The following DOCK2 variants were observed in gnomAD, a reference collection of about 807,000 sequenced individuals.
DOCK2 encodes dedicator of cytokinesis protein 2.
In DOCK2, 87 loss-of-function variants were observed where a neutral mutation model predicts 248.9. The observed-to-expected ratio is 0.35, with a 90% confidence interval of 0.29 to 0.42. The LOEUF is 0.42. Ranked by LOEUF, DOCK2 falls within the 10% of genes least tolerant of loss-of-function variation. The pLI is 1.00. For missense variants in DOCK2, 1,747 were observed against 2,300.2 expected, an observed-to-expected ratio of 0.76 and a Z score of 4.92; for synonymous variants, 805 against 821.6, an observed-to-expected ratio of 0.98 and a Z score of 0.35.
At chr5:169,997,092 G>T (rs1002945649) in intron 30 of DOCK2, among the ~76,000 whole-genome samples, 12 of 151,606 alleles carry the variant, frequency 7.9e-5, no homozygotes, top group African/African-American at 2.9e-4. Context: ...ATGTGTCAGG[G>T]TCACAAGACA....
intron 27 of DOCK2, among the ~76,000 whole-genome samples, chr5:169,863,281 C>T (rs978021249): frequency 9.2e-5 from 14 of 151,970 alleles, no homozygotes; most frequent in African/African-American, 1.7e-4. Context: ...GAGACTGTGT[C>T]GATTAATATA....
chr5:169,772,655 TA>T (rs1203104307), intron 25 of DOCK2, among the ~76,000 whole-genome samples: 3 of 152,230 alleles, frequency 2.0e-5, no homozygotes, highest in Non-Finnish European at 4.4e-5. Context: ...ATCTATGTTT[TA>T]AAAAAGTCAT....
intron 8 of DOCK2, among the ~76,000 whole-genome samples, chr5:169,685,518 C>T (rs77056046): frequency 1.1e-3 from 163 of 152,242 alleles, no homozygotes; most frequent in Non-Finnish European, 1.7e-3. Context: ...CCACCACGCC[C>T]GGCTAATTTT....
Position 169,704,752 on chromosome 5 carries a change from CAT to C in DOCK2, c.1383+2332_1383+2333del, listed in dbSNP as rs201877120. ...CTCTATCAAAACATCTCATTTACTC[CAT>C]ATATATGTGTGTGTGTGTGTGTGTG... On this transcript the variant is annotated intron_variant, in intron 14 of 51. Coordinates refer to ENST00000520908, the MANE Select transcript of DOCK2 (RefSeq NM_004946.3). Among the ~76,000 whole-genome samples, 190 of 136,072 alleles carry C rather than the reference CAT, an allele frequency of 1.4e-3. 2 individuals are homozygous for C. In the East Asian group the frequency reaches 0.028, roughly 20 times the overall value. The allele number at this position is 136,072 out of a possible 152,430, so 89.3% of individuals were successfully genotyped here.
At chr5:169,881,080 A>C (rs905402790) in intron 27 of DOCK2, among the ~76,000 whole-genome samples, 1 of 152,162 alleles carries the variant, frequency 6.6e-6, no homozygotes, top group Non-Finnish European at 1.5e-5. Flanking sequence ...CGAATGCCTT[A>C]ACTTTCCTGA....
chr5:169,990,580 C>A (rs1295154824), intron 29 of DOCK2, among the ~76,000 whole-genome samples: 1 of 152,186 alleles, frequency 6.6e-6, no homozygotes, highest in Non-Finnish European at 1.5e-5. Flanking sequence ...CTGATTCATT[C>A]GAACCTTTTG....
At chr5:169,811,753 C>T (rs959241413) in intron 26 of DOCK2, among the ~76,000 whole-genome samples, 4 of 152,134 alleles carry the variant, frequency 2.6e-5, no homozygotes, top group Admixed American at 6.5e-5. Context: ...ATTTAACTGG[C>T]GAGGAGGCTG....
chr5:169,861,253 GC>G (rs1244739791), intron 27 of DOCK2, among the ~76,000 whole-genome samples: 1 of 152,174 alleles, frequency 6.6e-6, no homozygotes, highest in East Asian at 1.9e-4. Context: ...TCCTTCTTAA[GC>G]ATACATTTTA....
chr5:169,944,372 G>A (rs7716429), intron 27 of DOCK2, among the ~76,000 whole-genome samples: 36,292 of 152,184 alleles, frequency 0.24, 4,571 homozygotes, highest in Non-Finnish European at 0.27. Flanking sequence ...TACCAAACAG[G>A]AAGGATTATC....
intron 26 of DOCK2, among the ~76,000 whole-genome samples, chr5:169,806,663 G>T (rs992581213): frequency 6.6e-6 from 1 of 152,130 alleles, no homozygotes; most frequent in African/African-American, 2.4e-5. Flanking sequence ...TTCCTAATTG[G>T]TTTTCTACAC....
intron 25 of DOCK2, among the ~76,000 whole-genome samples, chr5:169,793,460 T>C (rs1766471070): frequency 6.6e-6 from 1 of 152,174 alleles, no homozygotes; most frequent in Non-Finnish European, 1.5e-5. Flanking sequence ...AGCTGTGTGA[T>C]TTTAGGCAAG....
intron 25 of DOCK2, among the ~76,000 whole-genome samples, chr5:169,789,218 G>T (rs1766176832): frequency 1.3e-5 from 2 of 152,168 alleles, no homozygotes; most frequent in Non-Finnish European, 2.9e-5. Context: ...GTATTCCATG[G>T]TGTATATGTA....
intron 26 of DOCK2, among the ~76,000 whole-genome samples, chr5:169,809,781 C>T (rs1008514328): frequency 2.0e-5 from 3 of 152,236 alleles, no homozygotes; most frequent in Non-Finnish European, 4.4e-5. Context: ...CTCACTTGTG[C>T]AGCACCCTCT....
intron 26 of DOCK2, among the ~76,000 whole-genome samples, chr5:169,816,642 T>C (rs1336202647): frequency 6.6e-6 from 1 of 152,216 alleles, no homozygotes; most frequent in Non-Finnish European, 1.5e-5. Flanking sequence ...ATTTACCCTA[T>C]TCCTTCACTC....
At chr5:169,950,230 C>A (rs1234064999) in intron 27 of DOCK2, among the ~76,000 whole-genome samples, 1 of 152,192 alleles carries the variant, frequency 6.6e-6, no homozygotes, top group Admixed American at 6.5e-5. Flanking sequence ...CCAGCTCTAG[C>A]TCCATGCCCC....
chr5:169,822,264 A>C (rs1386219013), intron 26 of DOCK2, among the ~76,000 whole-genome samples: 1 of 152,232 alleles, frequency 6.6e-6, no homozygotes, highest in Non-Finnish European at 1.5e-5. Context: ...TGCACGAAGC[A>C]GACCTAATAG....
At position 169,714,150 on chromosome 5, in the gene DOCK2, C is replaced by G. The variant is rs1761746586; in HGVS notation, c.1782C>G (p.Val594=). Residue 594 remains valine (V), a synonymous_variant, in exon 18 of 52, where the codon GTC becomes GTG. Transcript: ENST00000520908. ...RSSSSVGGLS[V]SSRDVFSIST... is the part of the protein sequence containing the mutation. ...CCAGCAGTGTTGGGGGGCTTTCTGT[C>G]AGCTCCCGGGATGTGTTCTCCATTT... 3.1e-6 allele frequency: 5 copies of G among 1,613,756 alleles called. No individual in the cohort carries two copies. The highest frequency in any genetic ancestry group is 3.4e-6 in the Non-Finnish European group (4 of 1,179,816).
intron 1 of DOCK2, among the ~76,000 whole-genome samples, chr5:169,647,504 G>C (rs899822588): frequency 6.6e-6 from 1 of 152,022 alleles, no homozygotes; most frequent in Non-Finnish European, 1.5e-5. Context: ...GTCAGGAGGC[G>C]AGGTCCTGTG....
chr5:169,877,342 G>A (rs1363938335), intron 27 of DOCK2, among the ~76,000 whole-genome samples: 1 of 152,214 alleles, frequency 6.6e-6, no homozygotes, highest in Non-Finnish European at 1.5e-5. Flanking sequence ...AGGGAAAAGA[G>A]ACCTGTGTCA....
Sources: allele counts gnomAD v4.1 joint callset (sites outside exome capture counted in the v4.1 genomes callset), GRCh38; gene constraint gnomAD v4.1.1; transcripts MANE v1.5; gene names NCBI Gene and HGNC (gene_info 2026-07-23, HGNC 2026-07-21).